The following KNDC1 variants were observed in gnomAD, a reference collection of about 807,000 sequenced individuals.
KNDC1 encodes the protein kinase non-catalytic C-lobe domain containing 1.
In KNDC1, 106 loss-of-function variants were observed where a neutral mutation model predicts 172.8. The ratio of observed to expected loss-of-function variants is 0.61; its 90% CI spans 0.52 to 0.72. The LOEUF (loss-of-function observed/expected upper bound fraction) is 0.72, where lower values mean the gene tolerates loss of function less well. Among genes scored for constraint, KNDC1 ranks in the 30% least tolerant of loss-of-function variants. The probability of loss-of-function intolerance (pLI) is 0.00; values close to 1 mark genes in which losing one functional copy is unlikely to be tolerated. For synonymous variants in KNDC1, 1,083 were observed against 1,062.2 expected, an observed-to-expected ratio of 1.02 and a Z score of -0.38; for missense variants, 2,325 against 2,394.5, an observed-to-expected ratio of 0.97 and a Z score of 0.61.
rs898581970 is a variant in KNDC1, at chr10:133,163,802, C to A, written c.102+3233C>A. Among the ~76,000 whole-genome samples, 8 of 152,156 alleles carry A rather than the reference C, an allele frequency of 5.3e-5. No homozygotes were observed. The highest frequency in any genetic ancestry group is 1.7e-4 in the African/African-American group (7 of 41,488). ...GGTCCTCGGTGGGAAGCGTGCCCTG[C>A]CCTCTGAGACCCAGGGACTGGCTGA... On this transcript the variant is annotated intron_variant, in intron 1 of 29. Transcript: ENST00000304613. This position sits in a 1 kb window ranked among gnomAD's most constrained non-coding sequence, Gnocchi z 4.4.
At chr10:133,179,726 G>A (rs10776666) in intron 3 of KNDC1, among the ~76,000 whole-genome samples, 59,365 of 152,124 alleles carry the variant, frequency 0.39, 13,436 homozygotes, top group South Asian at 0.65. Flanking sequence ...TGCCCATCGC[G>A]ATCGCAGGCG....
Position 133,198,849 on chromosome 10 carries a change from C to G in KNDC1, c.2341C>G (p.Pro781Ala). 6.3e-7 allele frequency: 1 copy of G among 1,599,174 alleles called. No homozygotes were observed. Residue 781 changes from proline to alanine, a missense_variant, in exon 14 of 30, where the codon CCA (proline) becomes GCA (alanine). Transcript: ENST00000304613. The part of the protein sequence containing the change: ...EGASSAAPGS[P>A]VPAPPTKASA... ...GGCCTCATCGGCAGCTCCCGGCTCT[C>G]CAGTCCCCGCCCCGCCCACGAAGGC...
chr10:133,214,148 A>C (rs762831140), intron 26 of KNDC1, 26 bp downstream of exon 26: 1 of 1,612,016 alleles, frequency 6.2e-7, no homozygotes, highest in Non-Finnish European at 8.5e-7. Flanking sequence ...TTCCGAGGCC[A>C]ACACGGGGCG....
chr10:133,197,677 G>A lies in KNDC1; in HGVS notation c.1815G>A (p.Val605=), dbSNP rs751397850. ...LAHLRASICQ[V]YQEEETISLQ... is the part of the protein sequence containing the mutation. Reference sequence around the variant, plus strand: ...CAGGGCTGTCACCTCCTCCCCAGGTGTACCAGGAGGAAGAGACCATCAGCC... The same window carrying A: ...CAGGGCTGTCACCTCCTCCCCAGGTATACCAGGAGGAAGAGACCATCAGCC... The change falls in exon 12 of 30, where the codon GTG becomes GTA. Residue 605 remains valine, a splice_region_variant and synonymous_variant. Transcript: ENST00000304613. 7 of 1,610,896 alleles carry A rather than the reference G, an allele frequency of 4.3e-6. No homozygotes were observed. In the African/African-American group the frequency reaches 8.0e-5, roughly 18 times the overall value.
intron 17 of KNDC1, among the ~76,000 whole-genome samples, chr10:133,204,379 C>T (rs931060284): frequency 3.9e-5 from 6 of 152,234 alleles, no homozygotes; most frequent in East Asian, 1.9e-4. Context: ...TAGGCAGCCA[C>T]GGCAGCCTGC....
At chr10:133,170,825 C>T (rs542041775) in intron 3 of KNDC1, among the ~76,000 whole-genome samples, 33 of 152,346 alleles carry the variant, frequency 2.2e-4, no homozygotes, top group East Asian at 7.7e-4. Flanking sequence ...TATCACATCA[C>T]GTGGCCCCAG....
chr10:133,162,665 C>G (rs904090331), intron 1 of KNDC1, among the ~76,000 whole-genome samples: 33 of 152,290 alleles, frequency 2.2e-4, no homozygotes, highest in Non-Finnish European at 1.9e-4. Context: ...AATGCCTTCC[C>G]AAGACCGCCA....
At position 133,219,842 on chromosome 10, in the gene KNDC1, C is replaced by G; in HGVS notation, c.4861-113C>G. 3 of 1,032,022 alleles carry G rather than the reference C, an allele frequency of 2.9e-6. No individual in the cohort carries two copies. The South Asian group carries it at 5.4e-5, about 19-fold the overall frequency. The allele number at this position is 1,032,022 out of a possible 1,614,324, so 63.9% of individuals were successfully genotyped here. Reference sequence around the variant, plus strand: ...TTCAGAGAGCCGGGTAGACCCCGTGCGTGGAGAACGCAGGACCCGCTGGGA... The same window carrying G: ...TTCAGAGAGCCGGGTAGACCCCGTGGGTGGAGAACGCAGGACCCGCTGGGA... On this transcript the variant is annotated intron_variant, in intron 28 of 29. Coordinates refer to ENST00000304613, the MANE Select transcript of KNDC1 (RefSeq NM_152643.8).
Position 133,224,610 on chromosome 10 carries a change from C to T in KNDC1, c.5019-49C>T, listed in dbSNP as rs770236274. The T allele has an allele frequency of 8.6e-5, 122 of 1,424,592 alleles. 1 individual carries two copies. The highest frequency in any genetic ancestry group is 9.1e-5 in the Non-Finnish European group (93 of 1,025,054). 88.2% of individuals were successfully genotyped at this position (1,424,592 alleles called of 1,614,324 possible). Reference sequence around the variant, plus strand: ...GGGGGGACTCCCTCCCCACGGAAGCCGCGCCCCTGCCCTGTGCAAACTAAC... The same window carrying T: ...GGGGGGACTCCCTCCCCACGGAAGCTGCGCCCCTGCCCTGTGCAAACTAAC... On this transcript the variant is annotated intron_variant, in intron 29 of 29. Transcript: ENST00000304613. The surrounding 1 kb of genome is among the most constrained non-coding windows in gnomAD (Gnocchi z 5.4).
chr10:133,169,805 A>T (rs557120869), intron 3 of KNDC1, among the ~76,000 whole-genome samples: 1 of 152,092 alleles, frequency 6.6e-6, no homozygotes, highest in East Asian at 1.9e-4. Context: ...CACATGAGGG[A>T]GTTTTAGTTT....
At chr10:133,195,405 G>A (rs1432686149) in intron 9 of KNDC1, among the ~76,000 whole-genome samples, 4 of 152,218 alleles carry the variant, frequency 2.6e-5, no homozygotes, top group African/African-American at 9.7e-5. Context: ...GTCCAGTTGA[G>A]GCTTCCAACC....
intron 21 of KNDC1, 21 bp from the exon 22 acceptor site, chr10:133,211,401 G>A: frequency 6.2e-7 from 1 of 1,607,022 alleles, no homozygotes; most frequent in Non-Finnish European, 8.5e-7. Flanking sequence ...TGGCAGCTCA[G>A]CAGCTCCCCT....
chr10:133,192,073 A>G (rs1429269027), intron 9 of KNDC1, among the ~76,000 whole-genome samples: 1 of 152,258 alleles, frequency 6.6e-6, no homozygotes, highest in Non-Finnish European at 1.5e-5. Flanking sequence ...AAACAGCTAC[A>G]CTGCCCAAAG....
chr10:133,187,905 G>A (rs1348922279), intron 6 of KNDC1, among the ~76,000 whole-genome samples: 2 of 5,508 alleles, frequency 3.6e-4, no homozygotes, highest in African/African-American at 7.9e-4. Context: ...CCTGCACCCC[G>A]TCCCGCCCTC....
chr10:133,166,268 C>T (rs1352375002), intron 1 of KNDC1, among the ~76,000 whole-genome samples: 1 of 152,210 alleles, frequency 6.6e-6, no homozygotes, highest in Non-Finnish European at 1.5e-5. Context: ...CGGGCCCCAC[C>T]CATAGTGTCC....
Position 133,195,674 on chromosome 10 carries a change from C to T in KNDC1, c.1587C>T (p.Tyr529=). ...ERLVTEKASV[Y]CVAAVLWTAA... ...CCCCACCCGCCCAGGCCTCTGTGTA[C>T]TGTGTGGCCGCCGTTCTGTGGACCG... The change falls in exon 10 of 30, where the codon TAC becomes TAT. Residue 529 remains tyrosine, a synonymous_variant. Coordinates refer to ENST00000304613, the MANE Select transcript of KNDC1 (RefSeq NM_152643.8). 6.2e-7 allele frequency: 1 copy of T among 1,609,672 alleles called. No homozygotes were observed. The highest frequency in any genetic ancestry group is 8.5e-7 in the Non-Finnish European group (1 of 1,178,188).
intron 29 of KNDC1, among the ~76,000 whole-genome samples, chr10:133,222,499 G>GCA (rs1564903725): frequency 1.5e-3 from 137 of 90,032 alleles, no homozygotes; most frequent in African/African-American, 5.6e-3. Flanking sequence ...CGGTGTGTGT[G>GCA]TGTGTGTGTG....
intron 3 of KNDC1, among the ~76,000 whole-genome samples, chr10:133,182,508 C>T (rs965357004): frequency 1.3e-5 from 2 of 152,198 alleles, no homozygotes; most frequent in African/African-American, 2.4e-5. Flanking sequence ...GTTCCTGAGC[C>T]GCTCTGCGTT....
chr10:133,198,281 C>T (rs1426521261), intron 12 of KNDC1, 56 bp from the exon 13 acceptor site: 17 of 1,478,628 alleles, frequency 1.1e-5, no homozygotes, highest in East Asian at 5.0e-5. Context: ...GCCGGTGGTG[C>T]GGCACGTGCT....
Sources: allele counts gnomAD v4.1 joint callset (sites outside exome capture counted in the v4.1 genomes callset), GRCh38; gene constraint gnomAD v4.1.1; non-coding constraint Gnocchi (gnomAD v3.1); transcripts MANE v1.5; gene names NCBI Gene and HGNC (gene_info 2026-07-23, HGNC 2026-07-21).